The following ULK1 variants were observed in gnomAD, a reference collection of about 807,000 sequenced individuals.
ULK1 encodes the protein serine/threonine-protein kinase ULK1.
ULK1 carries 48 observed loss-of-function variants against 117.5 expected under a neutral mutation model. That is an observed-to-expected ratio of 0.41 (90% CI 0.32 to 0.52). The LOEUF (loss-of-function observed/expected upper bound fraction) is 0.52, where lower values mean the gene tolerates loss of function less well. Ranked by LOEUF, ULK1 falls within the 20% of genes least tolerant of loss-of-function variation. The pLI is 0.29. For missense variants in ULK1, 1,387 were observed against 1,473.4 expected, an observed-to-expected ratio of 0.94 and a Z score of 0.96; for synonymous variants, 790 against 637.8, an observed-to-expected ratio of 1.24 and a Z score of -3.60.
At position 131,921,317 on chromosome 12, in the gene ULK1, A is replaced by G. The variant is rs772993217; in HGVS notation, c.3109A>G (p.Ile1037Val). 2.5e-6 allele frequency: 4 copies of G among 1,607,382 alleles called. No homozygotes were observed. The highest frequency in any genetic ancestry group is 2.2e-5 in the South Asian group (2 of 91,084). Residue 1037 changes from isoleucine to valine, a missense_variant, in exon 28 of 28, where the codon ATT becomes GTT. Physicochemically the swap from Ile to Val is conservative, Grantham distance 29. This residue lies in a region of ULK1 where 900 missense variants were observed against 858.9 expected (regional missense o/e 1.05). Transcript: ENST00000321867. ...IENVTKCKLC[I>V]ERRLSALLTG... ...CTCTCCCTCCACAGGCAAGCTGTGCATTGAGCGGAGACTCTCGGCGCTGCT... is the reference window on the plus strand; with the variant it reads ...CTCTCCCTCCACAGGCAAGCTGTGCGTTGAGCGGAGACTCTCGGCGCTGCT...
intron 3 of ULK1, among the ~76,000 whole-genome samples, chr12:131,904,963 A>C (rs1889217000): frequency 6.6e-6 from 1 of 151,828 alleles, no homozygotes. Flanking sequence ...GTTTCTCCCC[A>C]CAGCTGCTGG....
chr12:131,918,416 G>A (rs1889956850), intron 22 of ULK1, 81 bp from the exon 23 acceptor site: 6 of 1,484,326 alleles, frequency 4.0e-6, no homozygotes, highest in Non-Finnish European at 5.4e-6. Flanking sequence ...GGGCCCTGGA[G>A]GTGTGGGAGT....
Position 131,913,905 on chromosome 12 carries a change from T to C in ULK1, c.1247+69T>C. 3.8e-6 allele frequency: 5 copies of C among 1,321,942 alleles called. No homozygotes were observed. In the South Asian group the frequency reaches 7.0e-5, roughly 19 times the overall value. The allele number at this position is 1,321,942 out of a possible 1,614,324, so 81.9% of individuals were successfully genotyped here. ...CCCCGGCTGGAGGTTGGGCTTCCTG[T>C]GTGTCGCAGCCAGCCCAGGCCTGCT... On this transcript the variant is annotated intron_variant, in intron 15 of 27. Transcript: ENST00000321867.
chr12:131,908,911 C>A lies in ULK1; in HGVS notation c.504C>A (p.Phe168Leu). 1 of 1,611,416 alleles carries A rather than the reference C, an allele frequency of 6.2e-7. No individual in the cohort carries two copies. Among genetic ancestry groups the A allele is most frequent in the Non-Finnish European group, 8.5e-7 (1 of 1,179,790 alleles). ...SIRVKIADFG[F>L]ARYLQSNMMA... ...TCTCTCCCGCAGCTGACTTCGGCTT[C>A]GCGCGGTACCTCCAGAGCAACATGA... Residue 168 changes from phenylalanine (F) to leucine (L), a missense_variant, in exon 7 of 28, where the codon TTC (phenylalanine) becomes TTA (leucine). This residue lies in a region of ULK1 where 224 missense variants were observed against 325.2 expected (regional missense o/e 0.69). Transcript: ENST00000321867.
In ULK1 at chr12:131,912,625, TC is replaced by T. The variant is rs1365742862; in HGVS notation, c.1096+540del. Among the ~76,000 whole-genome samples the T allele has an allele frequency of 2.0e-5, 3 of 152,256 alleles. No individual in the cohort carries two copies. The East Asian group carries it at 5.8e-4, about 30-fold the overall frequency. On this transcript the variant is annotated intron_variant, in intron 13 of 27. Transcript: ENST00000321867. ...TCCTGGAGGTCTGGGTTGGCACTGG[TC>T]CCCGTGTCTGCCAGGGACACAATGA...
rs1451966613 is a variant in ULK1, at chr12:131,894,979, C to T, written c.-23C>T. On this transcript the variant is annotated 5_prime_UTR_variant, in exon 1 of 28. Coordinates refer to ENST00000321867, the MANE Select transcript of ULK1 (RefSeq NM_003565.4). Reference sequence around the variant, plus strand: ...CGCCTTGGCCCGCCACCCCCCGCCCCGCGCCCCCGGCCCGCCTGCGCCATG... The same window carrying T: ...CGCCTTGGCCCGCCACCCCCCGCCCTGCGCCCCCGGCCCGCCTGCGCCATG... 2.3e-6 allele frequency: 3 copies of T among 1,280,322 alleles called. No individual in the cohort carries two copies. The highest frequency in any genetic ancestry group is 1.8e-5 in the South Asian group (1 of 54,648). 79.3% of individuals were successfully genotyped at this position (1,280,322 alleles called of 1,614,324 possible). A position where few individuals can be genotyped will look rare whatever the true frequency, so the allele number is the denominator to read the frequency against.
intron 3 of ULK1, among the ~76,000 whole-genome samples, chr12:131,905,519 G>A (rs993570451): frequency 1.4e-4 from 22 of 152,190 alleles, no homozygotes; most frequent in Non-Finnish European, 8.8e-5. Context: ...CCCTACAACA[G>A]GTGTGGACTC....
In ULK1 at chr12:131,895,645, C is replaced by A. The variant is rs764827691; in HGVS notation, c.156C>A (p.Asn52Lys). 2 of 1,614,002 alleles carry A rather than the reference C, an allele frequency of 1.2e-6. No individual in the cohort carries two copies. Among genetic ancestry groups the A allele is most frequent in the Non-Finnish European group, 1.7e-6 (2 of 1,180,024 alleles). ...EVAVKCINKK[N>K]LAKSQTLLGK... Reference sequence around the variant, plus strand: ...CCGTCAAGTGCATTAACAAGAAGAACCTCGCCAAGTCTCAGACGCTGCTGG... The same window carrying A: ...CCGTCAAGTGCATTAACAAGAAGAAACTCGCCAAGTCTCAGACGCTGCTGG... Residue 52 changes from asparagine to lysine, a missense_variant, in exon 2 of 28, where the codon AAC becomes AAA. Physicochemically the swap from Asn to Lys is moderately conservative, Grantham distance 94. Around this residue, in one of 4 missense-constraint regions of ULK1, gnomAD observed 224 missense variants for 325.2 expected, o/e 0.69. Transcript: ENST00000321867.
chr12:131,910,257 A>T lies in ULK1; in HGVS notation c.812A>T (p.Glu271Val). The stretch of plus-strand genomic sequence containing the variant: ...TCACTCCTCCTTCCTCCTGCAGATG[A>T]GTTTTTTCATCACCCTTTCCTCGAT... Reference protein sequence around the residue: ...RNHKDRMDFDEFFHHPFLDAS... With the variant: ...RNHKDRMDFDVFFHHPFLDAS... The change falls in exon 11 of 28, where the codon GAG (glutamate) becomes GTG (valine). Residue 271 changes from glutamate (E) to valine (V), a missense_variant. By Grantham distance (121) the Glu-to-Val change is moderately radical. Transcript: ENST00000321867. The T allele has an allele frequency of 6.2e-7, 1 of 1,613,574 alleles. No individual in the cohort carries two copies. Among genetic ancestry groups the T allele is most frequent in the South Asian group, 1.1e-5 (1 of 91,084 alleles).
intron 8 of ULK1, among the ~76,000 whole-genome samples, chr12:131,909,557 C>A (rs2136392446): frequency 6.6e-6 from 1 of 152,290 alleles, no homozygotes; most frequent in Non-Finnish European, 1.5e-5. Context: ...GGCTGGGAGG[C>A]CGCGTTCTGG....
chr12:131,917,047 A>G lies in ULK1; in HGVS notation c.2167A>G (p.Lys723Glu). ...DPGSTESLQE[K>E]PMEIAPSAGF... ...GGGCAGCACGGAGAGCCTGCAGGAGAAGCCCATGGAGATCGGTGTGTGGGT... is the reference window on the plus strand; with the variant it reads ...GGGCAGCACGGAGAGCCTGCAGGAGGAGCCCATGGAGATCGGTGTGTGGGT... The change falls in exon 21 of 28, where the codon AAG (lysine) becomes GAG (glutamate). Residue 723 changes from lysine (K) to glutamate (E), a missense_variant. Lys to Glu is a moderately conservative substitution (Grantham distance 56). Around this residue, in one of 4 missense-constraint regions of ULK1, gnomAD observed 900 missense variants for 858.9 expected, o/e 1.05. Transcript: ENST00000321867. 1 of 1,387,050 alleles carries G rather than the reference A, an allele frequency of 7.2e-7. No homozygotes were observed. Among genetic ancestry groups the G allele is most frequent in the African/African-American group, 1.9e-5 (1 of 51,374 alleles). The allele number at this position is 1,387,050 out of a possible 1,614,324, so 85.9% of individuals were successfully genotyped here.
chr12:131,913,803 C>T lies in ULK1; in HGVS notation c.1214C>T (p.Ser405Phe). 2 of 1,573,410 alleles carry T rather than the reference C, an allele frequency of 1.3e-6. No homozygotes were observed. Among genetic ancestry groups the T allele is most frequent in the Non-Finnish European group, 1.7e-6 (2 of 1,159,022 alleles). The change falls in exon 15 of 28, where the codon TCC (serine) becomes TTC (phenylalanine). Residue 405 changes from serine (S) to phenylalanine (F), a missense_variant. Ser to Phe is a radical substitution (Grantham distance 155, BLOSUM62 -2). This residue lies in a region of ULK1 where 260 missense variants were observed against 271.6 expected (regional missense o/e 0.96). Coordinates refer to ENST00000321867, the MANE Select transcript of ULK1 (RefSeq NM_003565.4). ...LESHGRTPSPSPPCSSSPSPS... is the reference protein window; with the variant it reads ...LESHGRTPSPFPPCSSSPSPS... ...AGCCACGGCCGGACCCCATCTCCAT[C>T]CCCACCCTGCAGCAGCTCCCCCAGT...
At position 131,921,710 on chromosome 12, in the gene ULK1, A is replaced by C; in HGVS notation, c.*349A>C. On this transcript the variant is annotated 3_prime_UTR_variant, in exon 28 of 28. Coordinates refer to ENST00000321867, the MANE Select transcript of ULK1 (RefSeq NM_003565.4). ...TGAGACCACTGCCGACTCAAAGCCA[A>C]AGCGAGCTCCTGCTTAGGGAAGGTC... The C allele has an allele frequency of 3.4e-6, 2 of 590,502 alleles. No homozygotes were observed. The highest frequency in any genetic ancestry group is 6.3e-6 in the Non-Finnish European group (2 of 316,012). The allele number at this position is 590,502 out of a possible 1,614,324, so 36.6% of individuals were successfully genotyped here.
Position 131,916,021 on chromosome 12 carries a change from T to A in ULK1, c.1740T>A (p.Ala580=). Residue 580 remains alanine (A), a synonymous_variant, in exon 19 of 28, where the codon GCT becomes GCA. Coordinates refer to ENST00000321867, the MANE Select transcript of ULK1 (RefSeq NM_003565.4). ...LPKPPTDPLG[A]VFSPPQASPP... is the part of the protein sequence containing the mutation. The stretch of plus-strand genomic sequence containing the variant: ...AACCCCCCACGGACCCCCTGGGAGC[T>A]GTGTTCAGCCCACCACAGGCCAGCC... The A allele has an allele frequency of 2.5e-6, 4 of 1,609,898 alleles. No individual in the cohort carries two copies. The highest frequency in any genetic ancestry group is 3.4e-6 in the Non-Finnish European group (4 of 1,179,164).
At position 131,910,002 on chromosome 12, in the gene ULK1, G is replaced by A; in HGVS notation, c.808+1G>A. The A allele has an allele frequency of 6.2e-7, 1 of 1,611,658 alleles. No individual in the cohort carries two copies. Among genetic ancestry groups the A allele is most frequent in the Non-Finnish European group, 8.5e-7 (1 of 1,179,818 alleles). ...AACCACAAGGACCGCATGGACTTCG[G>A]TGAGCACCCACCAGGGGCGCAGCTG... is the stretch of plus-strand genomic sequence containing the variant. On this transcript the variant is annotated splice_donor_variant, in intron 10 of 27. Transcript: ENST00000321867. LOFTEE classifies it high-confidence loss of function.
At chr12:131,901,560 AC>A (rs1889092511) in intron 3 of ULK1, among the ~76,000 whole-genome samples, 1 of 151,872 alleles carries the variant, frequency 6.6e-6, no homozygotes, top group South Asian at 2.1e-4. Context: ...CTCATTCTTC[AC>A]GTGAGCCAGC....
chr12:131,910,942 G>C (rs899506914), intron 12 of ULK1, 142 bp downstream of exon 12: 13 of 1,450,520 alleles, frequency 9.0e-6, no homozygotes, highest in Non-Finnish European at 1.2e-5. Context: ...CATTCTGTCA[G>C]ATGTTGAAGC....
In ULK1 at chr12:131,916,437, C is replaced by G; in HGVS notation, c.1918C>G (p.Gln640Glu). 6.2e-7 allele frequency: 1 copy of G among 1,607,276 alleles called. No individual in the cohort carries two copies. Among genetic ancestry groups the G allele is most frequent in the East Asian group, 2.2e-5 (1 of 44,764 alleles). ...SFDFPKTPSSQNLLALLARQG... is the reference protein window; with the variant it reads ...SFDFPKTPSSENLLALLARQG... The stretch of plus-strand genomic sequence containing the variant: ...TGACTTCCCGAAGACCCCCAGCTCC[C>G]AGAACCTGCTGGCCCTCCTAGCCCG... Residue 640 changes from glutamine to glutamate, a missense_variant, in exon 20 of 28, where the codon CAG becomes GAG. Gln to Glu is a conservative substitution (Grantham distance 29, BLOSUM62 2). Transcript: ENST00000321867.
rs575402033 is a variant in ULK1, at chr12:131,920,312, G to A, written c.2961+176G>A. 9.2e-4 allele frequency: 739 copies of A among 799,838 alleles called. 5 individuals are homozygous for A. In the African/African-American group the frequency reaches 9.6e-3, roughly 10 times the overall value. The allele number at this position is 799,838 out of a possible 1,614,324, so 49.5% of individuals were successfully genotyped here. A position where few individuals can be genotyped will look rare whatever the true frequency, so the allele number is the denominator to read the frequency against. The stretch of plus-strand genomic sequence containing the variant: ...AGCCTCCTGCAGGCGCTCGCAGCTC[G>A]GCTGGGTGCATCCTTGATTGTACGG... On this transcript the variant is annotated intron_variant, in intron 26 of 27. Coordinates refer to ENST00000321867, the MANE Select transcript of ULK1 (RefSeq NM_003565.4).
Sources: allele counts gnomAD v4.1 joint callset (sites outside exome capture counted in the v4.1 genomes callset), GRCh38; gene constraint gnomAD v4.1.1; regional missense constraint gnomAD v4.1.1; transcripts MANE v1.5; gene names NCBI Gene and HGNC (gene_info 2026-07-23, HGNC 2026-07-21).